The following SEMA3A variants were observed in gnomAD, a reference collection of about 807,000 sequenced individuals.
SEMA3A encodes semaphorin-3A.
Under a neutral mutation model 97.9 loss-of-function variants are expected in SEMA3A, and 29 were observed. That is an observed-to-expected ratio of 0.30 (90% CI 0.22 to 0.40). The LOEUF (loss-of-function observed/expected upper bound fraction) is 0.40. Ranked by LOEUF, SEMA3A falls within the 10% of genes least tolerant of loss-of-function variation. The pLI is 1.00. For missense variants in SEMA3A, 763 were observed against 951.3 expected, an observed-to-expected ratio of 0.80 and a Z score of 2.60; for synonymous variants, 321 against 323.7, an observed-to-expected ratio of 0.99 and a Z score of 0.09.
At chr7:83,995,535 G>A (rs1231335787) in intron 12 of SEMA3A, among the ~76,000 whole-genome samples, 1 of 152,130 alleles carries the variant, frequency 6.6e-6, no homozygotes, top group African/African-American at 2.4e-5. Flanking sequence ...GCTGCCTGTG[G>A]TTGAATATTA....
At chr7:84,319,056 C>A (rs937203819) in intron 2 of SEMA3A, among the ~76,000 whole-genome samples, 1 of 152,128 alleles carries the variant, frequency 6.6e-6, no homozygotes, top group Non-Finnish European at 1.5e-5. Flanking sequence ...TTCAAAATGC[C>A]TAATACCTAT....
rs528608711 is a variant in SEMA3A, at chr7:84,327,616, T to G, written c.-168-20324A>C. Among the ~76,000 whole-genome samples, 5 of 152,148 alleles carry G rather than the reference T, an allele frequency of 3.3e-5. No individual in the cohort carries two copies. The South Asian group carries it at 8.3e-4, about 25-fold the overall frequency. On this transcript the variant is annotated intron_variant, in intron 2 of 3. Coordinates refer to the SEMA3A transcript ENST00000424555. ...CTCTCAGGATATTGTATATGAGATC[T>G]TTAAAAAAATCTATAAAATTATGAA...
chr7:84,313,354 GTGTATATATATATATATATA>G (rs780340095), intron 2 of SEMA3A, among the ~76,000 whole-genome samples: 6,010 of 36,772 alleles, frequency 0.16, 453 homozygotes, highest in Middle Eastern at 0.31. Context: ...ATATGTGTGT[GTGTATATATATATATATATA>G]TATATATATA....
chr7:84,366,744 C>T (rs1236483325), intron 2 of SEMA3A, among the ~76,000 whole-genome samples: 7 of 151,406 alleles, frequency 4.6e-5, no homozygotes, highest in Admixed American at 4.6e-4. Context: ...TGAGAAAAGG[C>T]CTTTCTGTGC....
chr7:83,962,769 C>T (rs1788521624), intron 16 of SEMA3A, among the ~76,000 whole-genome samples: 1 of 152,130 alleles, frequency 6.6e-6, no homozygotes, highest in Admixed American at 6.5e-5. Flanking sequence ...CCTACATCTA[C>T]TACTATCTTT....
chr7:84,167,136 G>T (rs1196329841), intron 1 of SEMA3A, among the ~76,000 whole-genome samples: 3 of 76,398 alleles, frequency 3.9e-5, no homozygotes, highest in Non-Finnish European at 9.6e-5. Context: ...TCATTGCAGA[G>T]GAAAAAATAA....
Position 83,961,221 on chromosome 7 carries a change from A to T in SEMA3A, c.*150T>A. On this transcript the variant is annotated 3_prime_UTR_variant, in exon 17 of 17. Transcript: ENST00000265362. ...TATTAGGAAAGTTACTCATGGATTT[A>T]ATTTATAATTGGTGGAACTCAGCTG... The T allele has an allele frequency of 1.5e-6, 1 of 672,158 alleles. No individual in the cohort carries two copies. The highest frequency in any genetic ancestry group is 2.6e-6 in the Non-Finnish European group (1 of 386,996). 41.6% of individuals were successfully genotyped at this position (672,158 alleles called of 1,614,324 possible).
chr7:84,453,385 C>T (rs1236182319), intron 1 of SEMA3A, among the ~76,000 whole-genome samples: 1 of 151,678 alleles, frequency 6.6e-6, no homozygotes, highest in Non-Finnish European at 1.5e-5. Context: ...TACAGGCGCC[C>T]GCCACCTCGC....
At chr7:84,360,189 T>A (rs1457966078) in intron 2 of SEMA3A, among the ~76,000 whole-genome samples, 1 of 152,144 alleles carries the variant, frequency 6.6e-6, no homozygotes, top group African/African-American at 2.4e-5. Flanking sequence ...AGCTTTTGAA[T>A]GTGTTTGCTC....
intron 3 of SEMA3A, among the ~76,000 whole-genome samples, chr7:84,200,874 C>T (rs1449720042): frequency 1.3e-5 from 2 of 151,092 alleles, no homozygotes; most frequent in East Asian, 3.9e-4. Flanking sequence ...AGACAAAAAT[C>T]CCATTGTTAA....
intron 4 of SEMA3A, among the ~76,000 whole-genome samples, chr7:84,080,968 G>A (rs945856863): frequency 6.6e-6 from 1 of 151,870 alleles, no homozygotes; most frequent in African/African-American, 2.4e-5. Flanking sequence ...ACAAAAATAT[G>A]AAAATAGTAA....
intron 15 of SEMA3A, among the ~76,000 whole-genome samples, chr7:83,971,133 G>C (rs1337746186): frequency 6.6e-6 from 1 of 152,126 alleles, no homozygotes; most frequent in Admixed American, 6.5e-5. Flanking sequence ...TGAGCATTAA[G>C]ATGGCTAACA....
At chr7:84,248,929 T>C (rs761910873) in intron 3 of SEMA3A, among the ~76,000 whole-genome samples, 10 of 152,154 alleles carry the variant, frequency 6.6e-5, no homozygotes, top group Non-Finnish European at 1.3e-4. Flanking sequence ...CATGGCATGA[T>C]CTGGGTCAAT....
At chr7:84,430,036 C>T (rs1330624539) in intron 1 of SEMA3A, among the ~76,000 whole-genome samples, 2 of 151,926 alleles carry the variant, frequency 1.3e-5, no homozygotes, top group African/African-American at 4.8e-5. Context: ...AAATATCTCA[C>T]TCAAAATGTT....
At chr7:84,099,152 G>C (rs1794871883) in intron 4 of SEMA3A, among the ~76,000 whole-genome samples, 1 of 53,900 alleles carries the variant, frequency 1.9e-5, no homozygotes, top group African/African-American at 3.9e-5. Context: ...CTCACTGCAA[G>C]CTCCGCCTCC....
Position 84,194,655 on chromosome 7 carries a change from A to G in SEMA3A, c.-69T>C. The G allele has an allele frequency of 1.0e-6, 1 of 976,800 alleles. No individual in the cohort carries two copies. Among genetic ancestry groups the G allele is most frequent in the Non-Finnish European group, 1.6e-6 (1 of 617,206 alleles). 60.5% of individuals were successfully genotyped at this position (976,800 alleles called of 1,614,324 possible). A position where few individuals can be genotyped will look rare whatever the true frequency, so the allele number is the denominator to read the frequency against. Reference sequence around the variant, plus strand: ...CTGTATTGTGCGGCCAGAGAAGTTCAAACAATCTGGAAACTGGAGGTAACA... The same window carrying G: ...CTGTATTGTGCGGCCAGAGAAGTTCGAACAATCTGGAAACTGGAGGTAACA... On this transcript the variant is annotated 5_prime_UTR_variant, in exon 1 of 17. Coordinates refer to ENST00000265362, the MANE Select transcript of SEMA3A (RefSeq NM_006080.3).
At chr7:84,103,644 T>G (rs1197550590) in intron 4 of SEMA3A, among the ~76,000 whole-genome samples, 1 of 152,096 alleles carries the variant, frequency 6.6e-6, no homozygotes, top group Non-Finnish European at 1.5e-5. Context: ...AAAATATTTT[T>G]TTCTCATCTG....
chr7:84,171,125 C>T (rs1584076758), intron 1 of SEMA3A, among the ~76,000 whole-genome samples: 1 of 152,062 alleles, frequency 6.6e-6, no homozygotes, highest in Non-Finnish European at 1.5e-5. Flanking sequence ...AAGAATGGTG[C>T]TCTAATCCCC....
chr7:84,366,220 C>T (rs934480509), intron 2 of SEMA3A, among the ~76,000 whole-genome samples: 10 of 151,298 alleles, frequency 6.6e-5, no homozygotes, highest in African/African-American at 2.2e-4. Context: ...ACATAGTACA[C>T]TTGCTTCAGA....
Sources: allele counts gnomAD v4.1 joint callset (sites outside exome capture counted in the v4.1 genomes callset), GRCh38; gene constraint gnomAD v4.1.1; transcripts MANE v1.5; gene names NCBI Gene and HGNC (gene_info 2026-07-23, HGNC 2026-07-21).